CTNNA2: variants seen among roughly 807,000 people sequenced by gnomAD.
CTNNA2 encodes catenin alpha-2.
A neutral mutation model predicts 101.0 loss-of-function variants in CTNNA2; 42 were observed. The observed-to-expected ratio is 0.42, with a 90% CI of 0.32 to 0.54. The LOEUF (loss-of-function observed/expected upper bound fraction) is 0.54, where lower values mean the gene tolerates loss of function less well. Ranked by LOEUF, CTNNA2 falls within the 20% of genes least tolerant of loss-of-function variation. The probability of loss-of-function intolerance (pLI) is 0.14; values close to 1 mark genes in which losing one functional copy is unlikely to be tolerated. For missense variants in CTNNA2, 871 were observed against 1,223.1 expected, an observed-to-expected ratio of 0.71 and a Z score of 4.29; for synonymous variants, 450 against 456.4, an observed-to-expected ratio of 0.99 and a Z score of 0.18.
chr2:79,962,813 T>C (rs1689739112), intron 7 of CTNNA2, among the ~76,000 whole-genome samples: 1 of 152,176 alleles, frequency 6.6e-6, no homozygotes, highest in South Asian at 2.1e-4. Context: ...GGCTCACGCC[T>C]GTAATCCCAG....
At chr2:79,536,760 C>T (rs775777483) in intron 1 of CTNNA2, among the ~76,000 whole-genome samples, 30 of 148,610 alleles carry the variant, frequency 2.0e-4, no homozygotes, top group Middle Eastern at 3.4e-3. Context: ...TGCAGTGGTG[C>T]GATCTTGGCT....
chr2:79,563,189 T>TATATATATATATATATATATATATA (rs879673133), intron 1 of CTNNA2, among the ~76,000 whole-genome samples: 8 of 40,332 alleles, frequency 2.0e-4, no homozygotes, highest in African/African-American at 3.5e-4. Flanking sequence ...ATATATATAT[T>TATATATATATATATATATATATATA]TTCCTTCATT....
At chr2:80,185,619 G>GT (rs1284219650) in intron 7 of CTNNA2, among the ~76,000 whole-genome samples, 6 of 152,176 alleles carry the variant, frequency 3.9e-5, no homozygotes, top group Admixed American at 1.3e-4. Flanking sequence ...ATTGCAAATT[G>GT]TAAGTGGAAA....
chr2:79,618,121 A>G (rs987084209), intron 1 of CTNNA2, among the ~76,000 whole-genome samples: 7 of 152,182 alleles, frequency 4.6e-5, no homozygotes, highest in African/African-American at 1.7e-4. Flanking sequence ...GCGTTAAGCC[A>G]TGTGCCAAGG....
At chr2:79,912,969 A>G (rs1685913878) in intron 7 of CTNNA2, among the ~76,000 whole-genome samples, 1 of 152,202 alleles carries the variant, frequency 6.6e-6, no homozygotes, top group South Asian at 2.1e-4. Context: ...AGAATATTTT[A>G]TTCATTCAAC....
At position 80,606,410 on chromosome 2, in the gene CTNNA2, A is replaced by ACACC. The variant is rs148473878; in HGVS notation, c.2296-1772_2296-1769dup. Among the ~76,000 whole-genome samples the ACACC allele has an allele frequency of 1.9e-3, 117 of 60,374 alleles. 2 individuals are homozygous for ACACC. In the Middle Eastern group the frequency reaches 0.025, roughly 13 times the overall value. 39.6% of individuals were successfully genotyped at this position (60,374 alleles called of 152,430 possible). ...CACACACACACACACACACACACAC[A>ACACC]CACCCCCCAGGATACATTTATTTTG... On this transcript the variant is annotated intron_variant, in intron 16 of 18. Coordinates refer to ENST00000402739, the MANE Select transcript of CTNNA2 (RefSeq NM_001282597.3).
chr2:80,575,670 G>A lies in CTNNA2; in HGVS notation c.1893+1356G>A, dbSNP rs1465631157. ...ATCCTCAAGATATATTCCCTCTTTT[G>A]CCATTTTTCTGCTTTGCTGGCCTTC... is the stretch of plus-strand genomic sequence containing the variant. On this transcript the variant is annotated intron_variant, in intron 13 of 18. Coordinates refer to ENST00000402739, the MANE Select transcript of CTNNA2 (RefSeq NM_001282597.3). 2.0e-5 allele frequency among the ~76,000 whole-genome samples: 3 copies of A among 152,100 alleles called. No individual in the cohort carries two copies. In the East Asian group the frequency reaches 5.8e-4, roughly 29 times the overall value.
intron 2 of CTNNA2, among the ~76,000 whole-genome samples, chr2:79,287,192 T>C (rs1164559295): frequency 3.9e-5 from 6 of 152,216 alleles, no homozygotes; most frequent in African/African-American, 1.4e-4. Flanking sequence ...TTCTTTGCTT[T>C]GGTTTGAATG....
intron 9 of CTNNA2, among the ~76,000 whole-genome samples, chr2:80,424,201 T>G (rs1343305043): frequency 6.6e-6 from 1 of 152,042 alleles, no homozygotes. Flanking sequence ...TGATCTGCCC[T>G]CCTTGGCCTC....
intron 9 of CTNNA2, among the ~76,000 whole-genome samples, chr2:80,430,450 T>C (rs897815894): frequency 3.9e-5 from 6 of 152,194 alleles, no homozygotes; most frequent in African/African-American, 1.2e-4. Context: ...AGATGATGGA[T>C]GAGTGACAGA....
intron 7 of CTNNA2, among the ~76,000 whole-genome samples, chr2:80,256,044 AT>A (rs1272479692): frequency 1.3e-5 from 2 of 152,100 alleles, no homozygotes; most frequent in Non-Finnish European, 2.9e-5. Context: ...TAGGGGATGT[AT>A]TAAATGCAGC....
intron 4 of CTNNA2, among the ~76,000 whole-genome samples, chr2:79,402,823 A>G (rs1233929869): frequency 1.3e-5 from 2 of 151,864 alleles, no homozygotes; most frequent in Non-Finnish European, 2.9e-5. Context: ...GAAATCAATC[A>G]CAAAATTCAC....
In CTNNA2 at chr2:80,273,861, A is replaced by G. The variant is rs76325255; in HGVS notation, c.1057-119350A>G. 3.3e-3 allele frequency among the ~76,000 whole-genome samples: 507 copies of G among 151,932 alleles called. 4 individuals carry two copies. Among genetic ancestry groups the G allele is most frequent in the Middle Eastern group, 6.8e-3 (2 of 292 alleles). Reference sequence around the variant, plus strand: ...TTTCTGCCTGGCCTGTGTCTTTGTAAACACTCTACCTTTCCCCTGTTTATC... The same window carrying G: ...TTTCTGCCTGGCCTGTGTCTTTGTAGACACTCTACCTTTCCCCTGTTTATC... On this transcript the variant is annotated intron_variant, in intron 7 of 18. Coordinates refer to ENST00000402739, the MANE Select transcript of CTNNA2 (RefSeq NM_001282597.3).
At chr2:79,832,182 A>G (rs2105431486) in intron 3 of CTNNA2, among the ~76,000 whole-genome samples, 1 of 152,312 alleles carries the variant, frequency 6.6e-6, no homozygotes, top group East Asian at 1.9e-4. Flanking sequence ...TGTGTCGCCT[A>G]TGGCCATGTT....
intron 2 of CTNNA2, among the ~76,000 whole-genome samples, chr2:79,735,875 T>G (rs937176364): frequency 8.3e-4 from 127 of 152,286 alleles, no homozygotes; most frequent in African/African-American, 2.9e-3. Context: ...GACAGACTAA[T>G]TCTCTGGGGT....
In CTNNA2 at chr2:79,745,432, T is replaced by TA. The variant is rs544153701; in HGVS notation, c.298+862dup. On this transcript the variant is annotated intron_variant, in intron 3 of 18. Coordinates refer to ENST00000402739, the MANE Select transcript of CTNNA2 (RefSeq NM_001282597.3). Reference sequence around the variant, plus strand: ...GGTGACAGAGTGAGACTCCATCTCTTAAAAAAAAAAAATAAAATAAAAAGA... The same window carrying TA: ...GGTGACAGAGTGAGACTCCATCTCTTAAAAAAAAAAAAATAAAATAAAAAGA... Among the ~76,000 whole-genome samples, 1,268 of 146,208 alleles carry TA rather than the reference T, an allele frequency of 8.7e-3. 30 individuals carry two copies. The highest frequency in any genetic ancestry group is 0.068 in the South Asian group (314 of 4,588).
intron 1 of CTNNA2, among the ~76,000 whole-genome samples, chr2:79,531,318 A>G (rs1209335112): frequency 6.6e-6 from 1 of 151,138 alleles, no homozygotes; most frequent in Non-Finnish European, 1.5e-5. Flanking sequence ...ATCAATTTAT[A>G]AGCATTAAAA....
intron 2 of CTNNA2, among the ~76,000 whole-genome samples, chr2:79,220,154 A>G (rs1333462497): frequency 6.6e-6 from 1 of 151,882 alleles, no homozygotes; most frequent in Non-Finnish European, 1.5e-5. Flanking sequence ...AATTGGCCGT[A>G]TATATATGTA....
intron 4 of CTNNA2, among the ~76,000 whole-genome samples, chr2:79,483,965 C>T (rs188534315): frequency 3.6e-4 from 55 of 152,226 alleles, no homozygotes; most frequent in African/African-American, 1.3e-3. Flanking sequence ...GTCCAGCATG[C>T]AAGGGACTTC....
Sources: gnomAD v4.1 joint callset for allele counts (sites outside exome capture counted in the v4.1 genomes callset) on GRCh38, gnomAD v4.1.1 for gene constraint, MANE v1.5 for transcripts, NCBI Gene and HGNC (gene_info 2026-07-23, HGNC 2026-07-21) for gene names.